The following POLE2 variants were observed in gnomAD, a reference collection of about 807,000 sequenced individuals.
POLE2 encodes the protein DNA polymerase epsilon 2, accessory subunit, also known as DNA polymerase epsilon subunit 2.
POLE2 carries 56 observed loss-of-function variants against 79.4 expected under a neutral mutation model. The observed-to-expected ratio is 0.71, with a 90% CI of 0.57 to 0.88. POLE2 has a LOEUF of 0.88. Ranked by LOEUF, POLE2 falls within the 40% of genes least tolerant of loss-of-function variation. The probability of loss-of-function intolerance (pLI) is 0.00; values close to 1 mark genes in which losing one functional copy is unlikely to be tolerated. For synonymous variants in POLE2, 212 were observed against 214.0 expected (o/e 0.99, Z 0.08); for missense variants, 598 against 638.9 (o/e 0.94, Z 0.69).
At position 49,645,043 on chromosome 14, in the gene POLE2, C is replaced by CAAAAAAAAAAAA. The variant is rs527251561; in HGVS notation, c.1566-1385_1566-1374dup. 2.6e-3 allele frequency among the ~76,000 whole-genome samples: 227 copies of CAAAAAAAAAAAA among 88,242 alleles called. 1 individual carries two copies. The highest frequency in any genetic ancestry group is 8.3e-3 in the African/African-American group (210 of 25,418). 57.9% of individuals were successfully genotyped at this position (88,242 alleles called of 152,430 possible). A position where few individuals can be genotyped will look rare whatever the true frequency, so the allele number is the denominator to read the frequency against. Reference sequence around the variant, plus strand: ...GGCAACAGAGCAAAACTCCGTCTCACAAAAAAAAAAAAAAACACTGCAGTA... The same window carrying CAAAAAAAAAAAA: ...GGCAACAGAGCAAAACTCCGTCTCACAAAAAAAAAAAAAAAAAAAAAAAAAAACACTGCAGTA... On this transcript the variant is annotated intron_variant, in intron 18 of 18. Transcript: ENST00000216367.
chr14:49,647,136 TCA>T, intron 18 of POLE2, 155 bp downstream of exon 18: 1 of 485,394 alleles, frequency 2.1e-6, no homozygotes, highest in Non-Finnish European at 3.7e-6. Flanking sequence ...CAATTCTGTG[TCA>T]CACAGCATAA....
chr14:49,686,678 C>A (rs191472761), intron 1 of POLE2, among the ~76,000 whole-genome samples: 109 of 152,288 alleles, frequency 7.2e-4, no homozygotes, highest in African/African-American at 2.6e-3. Flanking sequence ...TATTGCACCC[C>A]CTTACCCCAG....
At chr14:49,654,523 G>A (rs905272616) in intron 13 of POLE2, 5 of 449,500 alleles carry the variant, frequency 1.1e-5, no homozygotes, top group African/African-American at 4.1e-5. Context: ...CTATCATATC[G>A]GAGAGTGAAG....
At chr14:49,668,167 A>G (rs986197386) in intron 6 of POLE2, among the ~76,000 whole-genome samples, 1 of 152,052 alleles carries the variant, frequency 6.6e-6, no homozygotes, top group African/African-American at 2.4e-5. Flanking sequence ...CAGCTACTCA[A>G]GAGGCTGAGG....
intron 10 of POLE2, among the ~76,000 whole-genome samples, chr14:49,661,374 T>C (rs767416877): frequency 2.0e-5 from 3 of 152,192 alleles, no homozygotes; most frequent in Non-Finnish European, 4.4e-5. Flanking sequence ...CAACTGGCAT[T>C]TTCAAAGGTA....
Position 49,688,147 on chromosome 14 carries a change from C to G in POLE2, c.57G>C (p.Leu19Phe). The G allele has an allele frequency of 6.4e-7, 1 of 1,556,760 alleles. No homozygotes were observed. ...RALSAFKLRG[L>F]LLRGEAIKYL... ...CCGAGCCCACTCACCCACGGAGCAG[C>G]AAGCCCCGCAACTTGAAGGCGGAGA... The change falls in exon 1 of 19, where the codon TTG becomes TTC. Residue 19 changes from leucine (L) to phenylalanine (F), a missense_variant. Leu to Phe is a conservative substitution (Grantham distance 22, BLOSUM62 0). Transcript: ENST00000216367.
At chr14:49,650,240 T>C in intron 17 of POLE2, 25 bp downstream of exon 17, 1 of 1,277,182 alleles carries the variant, frequency 7.8e-7, no homozygotes, top group Non-Finnish European at 1.1e-6. Context: ...AAATAATGAC[T>C]ATATAAGATT....
intron 10 of POLE2, among the ~76,000 whole-genome samples, chr14:49,659,883 C>G (rs901982819): frequency 6.6e-6 from 1 of 152,110 alleles, no homozygotes; most frequent in Non-Finnish European, 1.5e-5. Flanking sequence ...GCCACTGTGC[C>G]CAGGCTAGGT....
At chr14:49,645,129 A>G (rs1177316898) in intron 18 of POLE2, among the ~76,000 whole-genome samples, 1 of 152,046 alleles carries the variant, frequency 6.6e-6, no homozygotes, top group East Asian at 1.9e-4. Flanking sequence ...AAGTATACCT[A>G]TAGAATAAAT....
chr14:49,678,150 C>A (rs1267009582), intron 3 of POLE2, among the ~76,000 whole-genome samples: 1 of 152,024 alleles, frequency 6.6e-6, no homozygotes, highest in Non-Finnish European at 1.5e-5. Context: ...CAGGCATGCA[C>A]CACCATGCCC....
chr14:49,653,739 A>G (rs953281334), intron 15 of POLE2, among the ~76,000 whole-genome samples: 4 of 151,120 alleles, frequency 2.6e-5, no homozygotes, highest in Non-Finnish European at 4.4e-5. Flanking sequence ...CAACCTCTCC[A>G]CCTACCAGGC....
At chr14:49,647,988 A>G (rs1566525028) in intron 17 of POLE2, among the ~76,000 whole-genome samples, 1 of 152,192 alleles carries the variant, frequency 6.6e-6, no homozygotes, top group Non-Finnish European at 1.5e-5. Context: ...CTTAGTGTAA[A>G]AAATAAACAG....
Position 49,669,416 on chromosome 14 carries a change from C to G in POLE2, c.492+108G>C, listed in dbSNP as rs1037850930. On this transcript the variant is annotated intron_variant, in intron 6 of 18. Coordinates refer to ENST00000216367, the MANE Select transcript of POLE2 (RefSeq NM_002692.4). ...CATGCAGCCCATCCAGTTAGCTAAACAGTTACCAATAGTTTATTTTCATTT... is the reference window on the plus strand; with the variant it reads ...CATGCAGCCCATCCAGTTAGCTAAAGAGTTACCAATAGTTTATTTTCATTT... The G allele has an allele frequency of 2.0e-4, 129 of 658,758 alleles. 1 individual carries two copies. The highest frequency in any genetic ancestry group is 1.5e-4 in the Non-Finnish European group (56 of 369,434). 40.8% of individuals were successfully genotyped at this position (658,758 alleles called of 1,614,324 possible). A position where few individuals can be genotyped will look rare whatever the true frequency, so the allele number is the denominator to read the frequency against.
At chr14:49,688,017 T>C in intron 1 of POLE2, 119 bp downstream of exon 1, 1 of 802,322 alleles carries the variant, frequency 1.2e-6, no homozygotes, top group East Asian at 2.9e-5. Context: ...AACTCTGAAA[T>C]TTAAGGTCAA....
At chr14:49,658,428 G>A (rs915480993) in intron 10 of POLE2, among the ~76,000 whole-genome samples, 3 of 152,116 alleles carry the variant, frequency 2.0e-5, no homozygotes, top group Non-Finnish European at 2.9e-5. Context: ...TGGCCTGTTC[G>A]ACTTCAGCTG....
chr14:49,683,549 G>A, intron 2 of POLE2, 44 bp downstream of exon 2: 7 of 870,370 alleles, frequency 8.0e-6, no homozygotes, highest in Non-Finnish European at 1.3e-5. Flanking sequence ...TGAAGATGCA[G>A]AACTATATTA....
chr14:49,679,061 C>A (rs944294371), intron 3 of POLE2, among the ~76,000 whole-genome samples: 15 of 151,960 alleles, frequency 9.9e-5, no homozygotes, highest in African/African-American at 3.6e-4. Flanking sequence ...AAGATTATAA[C>A]TTCTGACTAA....
At chr14:49,649,870 G>A (rs1013740653) in intron 17 of POLE2, among the ~76,000 whole-genome samples, 2 of 152,124 alleles carry the variant, frequency 1.3e-5, no homozygotes, top group Non-Finnish European at 2.9e-5. Flanking sequence ...TATTAATCAG[G>A]CTTAGATTTT....
intron 7 of POLE2, 49 bp from the exon 8 acceptor site, chr14:49,665,212 C>T (rs1007893495): frequency 5.0e-6 from 4 of 796,420 alleles, no homozygotes; most frequent in African/African-American, 3.6e-5. Flanking sequence ...CAATGAAAAC[C>T]GTTGACAAAA....
Sources: gnomAD v4.1 joint callset for allele counts (sites outside exome capture counted in the v4.1 genomes callset) on GRCh38, gnomAD v4.1.1 for gene constraint, MANE v1.5 for transcripts, NCBI Gene and HGNC (gene_info 2026-07-23, HGNC 2026-07-21) for gene names.